Variants in KCNJ4 observed in about 807,000 individuals in gnomAD.
The protein encoded by KCNJ4 is inward rectifier potassium channel 4.
KCNJ4 carries 3 observed loss-of-function variants against 25.6 expected under a neutral mutation model. The ratio of observed to expected loss-of-function variants is 0.12; its 90% confidence interval spans 0.05 to 0.30. KCNJ4 has a LOEUF of 0.30. KCNJ4 is among the 10% of genes least tolerant of loss of function. The probability of loss-of-function intolerance (pLI) is 1.00; values close to 1 mark genes in which losing one functional copy is unlikely to be tolerated. For missense variants in KCNJ4, 286 were observed against 666.8 expected (o/e 0.43, Z 6.29); for synonymous variants, 257 against 283.9 (o/e 0.91, Z 0.95).
chr22:38,454,323 G>A (rs1017762046), intron 1 of KCNJ4, among the ~76,000 whole-genome samples: 1 of 152,138 alleles, frequency 6.6e-6, no homozygotes, highest in East Asian at 1.9e-4. Flanking sequence ...TGACACTGGT[G>A]GGGGGACATT....
At chr22:38,434,025 C>T (rs1028866695) in intron 1 of KCNJ4, among the ~76,000 whole-genome samples, 4 of 152,222 alleles carry the variant, frequency 2.6e-5, no homozygotes, top group Admixed American at 2.0e-4. Flanking sequence ...ATCTCCTCCC[C>T]GAGATCCGTG....
intron 1 of KCNJ4, among the ~76,000 whole-genome samples, chr22:38,444,393 C>T (rs1428130030): frequency 6.6e-6 from 1 of 152,218 alleles, no homozygotes; most frequent in Non-Finnish European, 1.5e-5. Flanking sequence ...GCGGAGGTGG[C>T]CTCTGAGCAG....
intron 1 of KCNJ4, among the ~76,000 whole-genome samples, 161 bp from the exon 2 acceptor site, chr22:38,428,332 G>A (rs1485377915): frequency 6.6e-6 from 1 of 152,254 alleles, no homozygotes; most frequent in African/African-American, 2.4e-5. Context: ...AGGTGGCTCT[G>A]ATGACAGGGT....
chr22:38,451,892 C>G (rs142103966), intron 1 of KCNJ4, among the ~76,000 whole-genome samples: 1 of 152,218 alleles, frequency 6.6e-6, no homozygotes, highest in Admixed American at 6.5e-5. Flanking sequence ...ATTTAAGCTC[C>G]AAACCTTCTG....
intron 1 of KCNJ4, among the ~76,000 whole-genome samples, chr22:38,431,509 A>C (rs1490347047): frequency 6.6e-6 from 1 of 152,166 alleles, no homozygotes; most frequent in Non-Finnish European, 1.5e-5. Context: ...AGCCCACAGC[A>C]GGTGTCCTGA....
intron 1 of KCNJ4, among the ~76,000 whole-genome samples, chr22:38,437,418 T>A (rs2093068374): frequency 6.6e-6 from 1 of 152,200 alleles, no homozygotes; most frequent in Middle Eastern, 3.2e-3. Flanking sequence ...GGCCAGTGGA[T>A]CCCTGAAGCT....
At chr22:38,431,091 G>A (rs1309084279) in intron 1 of KCNJ4, among the ~76,000 whole-genome samples, 3 of 152,218 alleles carry the variant, frequency 2.0e-5, no homozygotes, top group African/African-American at 4.8e-5. Flanking sequence ...GGCGGCCCAG[G>A]CCTTCAACGG....
At chr22:38,435,026 T>C (rs2093061340) in intron 1 of KCNJ4, among the ~76,000 whole-genome samples, 2 of 152,234 alleles carry the variant, frequency 1.3e-5, no homozygotes, top group South Asian at 4.1e-4. Context: ...TGACCAAGAA[T>C]GCTGGACTGG....
Position 38,427,869 on chromosome 22 carries a change from C to T in KCNJ4, c.264G>A (p.Glu88=), listed in dbSNP as rs748082858. The change falls in exon 2 of 2, where the codon GAG becomes GAA. Residue 88 remains glutamate, a synonymous_variant. Transcript: ENST00000303592. The stretch of plus-strand genomic sequence containing the variant: ...CCGCCGCAGGCACCCCTGGGCTGGC[C>T]TCCAGGTCACCGTGGAAGAAGGCGA... ...WCIAFFHGDL[E]ASPGVPAAGG... is the part of the protein sequence containing the mutation. The T allele has an allele frequency of 1.9e-6, 3 of 1,611,596 alleles. No homozygotes were observed. Among genetic ancestry groups the T allele is most frequent in the Non-Finnish European group, 2.5e-6 (3 of 1,178,690 alleles).
chr22:38,446,332 G>A (rs1014698789), intron 1 of KCNJ4, among the ~76,000 whole-genome samples: 1 of 152,214 alleles, frequency 6.6e-6, no homozygotes, highest in Non-Finnish European at 1.5e-5. Context: ...AGCCACTGCC[G>A]GGTGTCTGTT....
At chr22:38,442,452 A>G (rs1278077378) in intron 1 of KCNJ4, among the ~76,000 whole-genome samples, 2 of 149,768 alleles carry the variant, frequency 1.3e-5, no homozygotes, top group African/African-American at 2.5e-5. Flanking sequence ...GAGGCTGAGG[A>G]AGGAGAATGG....
chr22:38,450,132 G>GA (rs1294224886), intron 1 of KCNJ4, among the ~76,000 whole-genome samples: 1 of 152,196 alleles, frequency 6.6e-6, no homozygotes, highest in African/African-American at 2.4e-5. Context: ...GGGAACAGGA[G>GA]AAAAATAAAG....
In KCNJ4 at chr22:38,426,654, C is replaced by G. The variant is rs558601665; in HGVS notation, c.*141G>C. 5 of 1,098,822 alleles carry G rather than the reference C, an allele frequency of 4.6e-6. No homozygotes were observed. Among genetic ancestry groups the G allele is most frequent in the African/African-American group, 1.6e-5 (1 of 63,256 alleles). 68.1% of individuals were successfully genotyped at this position (1,098,822 alleles called of 1,614,324 possible). A position where few individuals can be genotyped will look rare whatever the true frequency, so the allele number is the denominator to read the frequency against. On this transcript the variant is annotated 3_prime_UTR_variant, in exon 2 of 2. Transcript: ENST00000303592. Reference sequence around the variant, plus strand: ...TGCTGGAGTCAGGAGGAAGGGGTCCCCCAGTCTTTGAAACCCCCACCTTCC... The same window carrying G: ...TGCTGGAGTCAGGAGGAAGGGGTCCGCCAGTCTTTGAAACCCCCACCTTCC...
intron 1 of KCNJ4, among the ~76,000 whole-genome samples, chr22:38,447,078 C>T (rs1157958168): frequency 6.6e-6 from 1 of 152,168 alleles, no homozygotes; most frequent in African/African-American, 2.4e-5. Flanking sequence ...TGGACATGAA[C>T]CCAGATCTTC....
At chr22:38,438,167 A>C (rs1569121439) in intron 1 of KCNJ4, among the ~76,000 whole-genome samples, 2 of 125,628 alleles carry the variant, frequency 1.6e-5, no homozygotes, top group African/African-American at 6.3e-5. Flanking sequence ...TGAACCTGGG[A>C]GGGGGGAGGT....
intron 1 of KCNJ4, among the ~76,000 whole-genome samples, chr22:38,438,415 T>A (rs2089308257): frequency 6.9e-6 from 1 of 144,948 alleles, no homozygotes. Flanking sequence ...AAGGGCCTGG[T>A]GCGATGGCTC....
At chr22:38,438,454 C>T (rs1158681770) in intron 1 of KCNJ4, among the ~76,000 whole-genome samples, 6 of 150,788 alleles carry the variant, frequency 4.0e-5, no homozygotes, top group African/African-American at 9.7e-5. Flanking sequence ...CTTTGGGAGG[C>T]GGAGGTGGGT....
chr22:38,441,869 C>T (rs2089337544), intron 1 of KCNJ4, among the ~76,000 whole-genome samples: 1 of 152,200 alleles, frequency 6.6e-6, no homozygotes, highest in African/African-American at 2.4e-5. Context: ...GCACAGCACA[C>T]AGACAGAAAA....
At chr22:38,436,083 C>T (rs1178211483) in intron 1 of KCNJ4, among the ~76,000 whole-genome samples, 1 of 152,178 alleles carries the variant, frequency 6.6e-6, no homozygotes, top group Non-Finnish European at 1.5e-5. Context: ...CTCTAAACAA[C>T]TTTGTGCCCA....
Sources: allele counts gnomAD v4.1 joint callset (sites outside exome capture counted in the v4.1 genomes callset), GRCh38; gene constraint gnomAD v4.1.1; transcripts MANE v1.5; gene names NCBI Gene and HGNC (gene_info 2026-07-23, HGNC 2026-07-21).